Variants in GOLIM4 observed in about 807,000 individuals in gnomAD.
GOLIM4 encodes the protein 130 kDa golgi-localized phosphoprotein.
In GOLIM4, 71 loss-of-function variants were observed where a neutral mutation model predicts 107.4. That is an observed-to-expected ratio of 0.66 (90% CI 0.55 to 0.81). GOLIM4 has a LOEUF of 0.81. Among genes scored for constraint, GOLIM4 ranks in the 30% least tolerant of loss-of-function variants. The probability of loss-of-function intolerance (pLI) is 0.00; values close to 1 mark genes in which losing one functional copy is unlikely to be tolerated. For synonymous variants in GOLIM4, 327 were observed against 294.8 expected (o/e 1.11, Z -1.12); for missense variants, 830 against 826.1 (o/e 1.00, Z -0.06).
At chr3:168,038,028 C>T (rs1718760907) in intron 7 of GOLIM4, among the ~76,000 whole-genome samples, 1 of 152,210 alleles carries the variant, frequency 6.6e-6, no homozygotes, top group Non-Finnish European at 1.5e-5. Flanking sequence ...CATAGCTATG[C>T]ACCATGGCAC....
At chr3:168,018,435 T>C (rs1272356493) in intron 14 of GOLIM4, among the ~76,000 whole-genome samples, 1 of 152,162 alleles carries the variant, frequency 6.6e-6, no homozygotes, top group East Asian at 1.9e-4. Flanking sequence ...ATTGTGAACC[T>C]CTTCTAACCA....
intron 1 of GOLIM4, among the ~76,000 whole-genome samples, chr3:168,050,846 A>G (rs1577541109): frequency 2.0e-5 from 3 of 147,686 alleles, no homozygotes; most frequent in East Asian, 4.0e-4. Flanking sequence ...TAATAATAAT[A>G]ATAATAATAA....
intron 3 of GOLIM4, 84 bp from the exon 4 acceptor site, chr3:168,044,965 C>G (rs903479522): frequency 2.3e-5 from 17 of 737,066 alleles, no homozygotes; most frequent in Non-Finnish European, 3.3e-5. Context: ...TAAAATATAA[C>G]TTTATTTATT....
chr3:168,009,359 T>C lies in GOLIM4; in HGVS notation c.*910A>G, dbSNP rs1287987353. On this transcript the variant is annotated 3_prime_UTR_variant, in exon 16 of 16. Transcript: ENST00000470487. ...GTGATTGCATATTGAGGCACAGAGC[T>C]TAAAGAGGAAATATATATTACTTAT... The C allele has an allele frequency of 7.1e-6, 1 of 140,088 alleles. No homozygotes were observed. The highest frequency in any genetic ancestry group is 1.5e-5 in the Non-Finnish European group (1 of 66,224). The allele number at this position is 140,088 out of a possible 1,614,324, so 8.7% of individuals were successfully genotyped here. A position where few individuals can be genotyped will look rare whatever the true frequency, so the allele number is the denominator to read the frequency against.
chr3:168,062,187 C>G (rs1448439844), intron 1 of GOLIM4, among the ~76,000 whole-genome samples: 1 of 152,152 alleles, frequency 6.6e-6, no homozygotes, highest in Non-Finnish European at 1.5e-5. Flanking sequence ...TCTGTGTCAA[C>G]TCAAGTTAGG....
chr3:168,043,245 GA>G, intron 5 of GOLIM4, 133 bp downstream of exon 5: 2 of 632,230 alleles, frequency 3.2e-6, no homozygotes, highest in Non-Finnish European at 5.3e-6. Flanking sequence ...ACATTACAAA[GA>G]AAAAGTGACT....
chr3:168,020,213 C>T (rs1217887323), intron 14 of GOLIM4, among the ~76,000 whole-genome samples: 1 of 152,148 alleles, frequency 6.6e-6, no homozygotes, highest in African/African-American at 2.4e-5. Flanking sequence ...AATCAATGAT[C>T]CTTAATTTCC....
chr3:168,045,666 T>C (rs2108249713), intron 3 of GOLIM4, among the ~76,000 whole-genome samples: 1 of 152,318 alleles, frequency 6.6e-6, no homozygotes, highest in Middle Eastern at 3.4e-3. Context: ...TTAGGTACCA[T>C]ATCCCTCACT....
At chr3:168,031,146 G>A (rs1184317275) in intron 9 of GOLIM4, among the ~76,000 whole-genome samples, 1 of 152,154 alleles carries the variant, frequency 6.6e-6, no homozygotes, top group Non-Finnish European at 1.5e-5. Flanking sequence ...TTAAAAAAGC[G>A]ATATTGATAA....
At position 168,027,576 on chromosome 3, in the gene GOLIM4, C is replaced by T. The variant is rs1577513469; in HGVS notation, c.1623+152G>A. 6 of 611,922 alleles carry T rather than the reference C, an allele frequency of 9.8e-6. No individual in the cohort carries two copies. The East Asian group carries it at 1.3e-4, about 14-fold the overall frequency. The allele number at this position is 611,922 out of a possible 1,614,324, so 37.9% of individuals were successfully genotyped here. ...ACACCATGGTTTACAGTTAAAAACA[C>T]TGCCCATATATAATTATGCAAGCCA... is the stretch of plus-strand genomic sequence containing the variant. On this transcript the variant is annotated intron_variant, in intron 12 of 15. Coordinates refer to ENST00000470487, the MANE Select transcript of GOLIM4 (RefSeq NM_014498.5).
intron 1 of GOLIM4, 123 bp downstream of exon 1, chr3:168,094,976 G>A: frequency 1.5e-6 from 1 of 684,124 alleles, no homozygotes; most frequent in Non-Finnish European, 2.5e-6. Context: ...GCTCACCTCT[G>A]ACGTCCCTGA....
intron 1 of GOLIM4, among the ~76,000 whole-genome samples, chr3:168,074,153 G>A (rs1448455443): frequency 6.6e-6 from 1 of 152,144 alleles, no homozygotes; most frequent in East Asian, 1.9e-4. Flanking sequence ...GAACAGCCAC[G>A]TGAATGAGCT....
chr3:168,029,494 T>C (rs1406480333), intron 10 of GOLIM4, among the ~76,000 whole-genome samples, 192 bp from the exon 11 acceptor site: 1 of 152,206 alleles, frequency 6.6e-6, no homozygotes, highest in African/African-American at 2.4e-5. Context: ...TTTCAAAAGG[T>C]ATCTTAAAAA....
At chr3:168,058,942 T>C (rs1270707447) in intron 1 of GOLIM4, among the ~76,000 whole-genome samples, 2 of 152,160 alleles carry the variant, frequency 1.3e-5, no homozygotes, top group Non-Finnish European at 2.9e-5. Flanking sequence ...AGCATCATAG[T>C]ATTTCAGAAA....
intron 1 of GOLIM4, among the ~76,000 whole-genome samples, chr3:168,082,874 G>C (rs935671496): frequency 6.6e-6 from 1 of 152,106 alleles, no homozygotes; most frequent in Non-Finnish European, 1.5e-5. Flanking sequence ...GACAAGAGCA[G>C]AACAATCTTT....
intron 1 of GOLIM4, among the ~76,000 whole-genome samples, chr3:168,049,712 T>A (rs1371725803): frequency 1.3e-5 from 2 of 152,144 alleles, no homozygotes; most frequent in African/African-American, 4.8e-5. Flanking sequence ...CCTTTCCCCA[T>A]CCCTGCAGCA....
chr3:168,082,669 C>G (rs1721432355), intron 1 of GOLIM4, among the ~76,000 whole-genome samples: 1 of 151,912 alleles, frequency 6.6e-6, no homozygotes, highest in African/African-American at 2.4e-5. Context: ...TTGGTTTTGT[C>G]AAAGAGAAAG....
Position 168,046,931 on chromosome 3 carries a change from C to G in GOLIM4, c.312+19G>C, listed in dbSNP as rs558257841. 8 of 1,266,808 alleles carry G rather than the reference C, an allele frequency of 6.3e-6. No homozygotes were observed. The African/African-American group carries it at 1.3e-4, about 20-fold the overall frequency. The allele number at this position is 1,266,808 out of a possible 1,614,324, so 78.5% of individuals were successfully genotyped here. ...AATTAAGGAAAACAAACAACCACAA[C>G]AAAAAAAACAAAACTTACCCTTCCT... On this transcript the variant is annotated intron_variant, in intron 3 of 15. Transcript: ENST00000470487.
chr3:168,078,882 T>C (rs1230841766), intron 1 of GOLIM4, among the ~76,000 whole-genome samples: 2 of 152,214 alleles, frequency 1.3e-5, no homozygotes, highest in Non-Finnish European at 2.9e-5. Context: ...TCTGTGCAGC[T>C]TATCCCCTGG....
Sources: gnomAD v4.1 joint callset for allele counts (sites outside exome capture counted in the v4.1 genomes callset) on GRCh38, gnomAD v4.1.1 for gene constraint, MANE v1.5 for transcripts, NCBI Gene and HGNC (gene_info 2026-07-23, HGNC 2026-07-21) for gene names.